NAALADL2: variants seen among roughly 807,000 people sequenced by gnomAD.
NAALADL2 encodes N-acetylated alpha-linked acidic dipeptidase like 2, also known as inactive N-acetylated-alpha-linked acidic dipeptidase-like protein 2.
NAALADL2 carries 76 observed loss-of-function variants against 87.2 expected under a neutral mutation model. The ratio of observed to expected loss-of-function variants is 0.87; its 90% CI spans 0.72 to 1.05. The LOEUF (loss-of-function observed/expected upper bound fraction) is 1.05. Among genes scored for constraint, NAALADL2 ranks in the 50% least tolerant of loss-of-function variants. The probability of loss-of-function intolerance (pLI) is 0.00; values close to 1 mark genes in which losing one functional copy is unlikely to be tolerated. For missense variants in NAALADL2, 1,089 were observed against 945.8 expected (o/e 1.15, Z -1.99); for synonymous variants, 354 against 331.0 (o/e 1.07, Z -0.75).
Position 175,805,821 on chromosome 3 carries a change from C to T in NAALADL2, c.*2618C>T, listed in dbSNP as rs1262158686. 1 of 151,858 alleles carries T rather than the reference C, an allele frequency of 6.6e-6. No individual in the cohort carries two copies. Among genetic ancestry groups the T allele is most frequent in the Non-Finnish European group, 1.5e-5 (1 of 67,858 alleles). The allele number at this position is 151,858 out of a possible 1,614,324, so 9.4% of individuals were successfully genotyped here. A position where few individuals can be genotyped will look rare whatever the true frequency, so the allele number is the denominator to read the frequency against. On this transcript the variant is annotated 3_prime_UTR_variant, in exon 14 of 14. Coordinates refer to ENST00000454872, the MANE Select transcript of NAALADL2 (RefSeq NM_207015.3). ...GAAATTTATGTTCAGGCAGGGTACACATGAGATACTGCCCTTTATGGAAAA... is the reference window on the plus strand; with the variant it reads ...GAAATTTATGTTCAGGCAGGGTACATATGAGATACTGCCCTTTATGGAAAA...
intron 1 of NAALADL2, among the ~76,000 whole-genome samples, chr3:174,884,408 G>T (rs1729806350): frequency 6.6e-6 from 1 of 152,158 alleles, no homozygotes; most frequent in African/African-American, 2.4e-5. Flanking sequence ...TATCAATCCA[G>T]CTGCTTCAGG....
intron 6 of NAALADL2, among the ~76,000 whole-genome samples, chr3:175,449,818 G>A (rs904320706): frequency 3.3e-5 from 5 of 152,166 alleles, no homozygotes; most frequent in African/African-American, 1.2e-4. Context: ...ATACACCCAT[G>A]TTAAAGCAAG....
intron 10 of NAALADL2, among the ~76,000 whole-genome samples, chr3:175,619,557 A>G (rs574632538): frequency 2.0e-5 from 3 of 152,074 alleles, no homozygotes; most frequent in Non-Finnish European, 2.9e-5. Flanking sequence ...GATTTTTTCA[A>G]CAAGGGAAAG....
At chr3:174,634,953 G>C (rs1023516104) in intron 2 of NAALADL2, among the ~76,000 whole-genome samples, 1 of 152,134 alleles carries the variant, frequency 6.6e-6, no homozygotes, top group Admixed American at 6.5e-5. Flanking sequence ...ATTTTAATTA[G>C]TAGGATTTTT....
intron 5 of NAALADL2, among the ~76,000 whole-genome samples, chr3:175,332,999 T>C (rs1368248630): frequency 6.6e-6 from 1 of 152,212 alleles, no homozygotes; most frequent in Admixed American, 6.5e-5. Context: ...TTACTTTCAT[T>C]CTATATGTGT....
intron 1 of NAALADL2, among the ~76,000 whole-genome samples, chr3:175,088,823 A>G (rs183410004): frequency 1.6e-4 from 24 of 152,324 alleles, no homozygotes; most frequent in African/African-American, 5.3e-4. Context: ...CAAAGAGCCA[A>G]GTGGTGATTG....
At chr3:174,893,374 TAGTA>T (rs1162473040) in intron 1 of NAALADL2, among the ~76,000 whole-genome samples, 1 of 150,026 alleles carries the variant, frequency 6.7e-6, no homozygotes, top group African/African-American at 2.5e-5. Flanking sequence ...AAACTTGTAA[TAGTA>T]AGTACGCAGC....
intron 1 of NAALADL2, among the ~76,000 whole-genome samples, chr3:175,027,745 G>C (rs1372922955): frequency 6.6e-6 from 1 of 152,038 alleles, no homozygotes; most frequent in African/African-American, 2.4e-5. Flanking sequence ...CTGGCAGAGG[G>C]CAACTTGCTT....
intron 3 of NAALADL2, among the ~76,000 whole-genome samples, chr3:174,816,029 A>T (rs922464694): frequency 6.6e-6 from 1 of 151,820 alleles, no homozygotes; most frequent in Non-Finnish European, 1.5e-5. Flanking sequence ...CATAACAGAC[A>T]TTTGGATCCC....
chr3:175,528,205 T>C (rs1014357534), intron 9 of NAALADL2, among the ~76,000 whole-genome samples: 9 of 151,994 alleles, frequency 5.9e-5, no homozygotes, highest in Non-Finnish European at 1.0e-4. Context: ...GTTTATTAAG[T>C]ATTAGCTCAC....
At chr3:174,684,296 A>C (rs1727835200) in intron 2 of NAALADL2, among the ~76,000 whole-genome samples, 1 of 152,140 alleles carries the variant, frequency 6.6e-6, no homozygotes, top group Non-Finnish European at 1.5e-5. Flanking sequence ...AGACTATTTA[A>C]ACACGACTGA....
intron 11 of NAALADL2, among the ~76,000 whole-genome samples, chr3:175,639,414 G>A (rs1284806890): frequency 1.4e-5 from 2 of 140,956 alleles, no homozygotes; most frequent in South Asian, 2.3e-4. Flanking sequence ...TCCACCTCCC[G>A]GGTTCACACC....
chr3:175,423,028 A>AAATATATAT (rs1438736874), intron 5 of NAALADL2, among the ~76,000 whole-genome samples: 194 of 111,206 alleles, frequency 1.7e-3, no homozygotes, highest in African/African-American at 7.7e-3. Context: ...GAAAAAAAAA[A>AAATATATAT]ATATATATAT....
At chr3:174,812,264 A>T (rs983638631) in intron 3 of NAALADL2, among the ~76,000 whole-genome samples, 1 of 152,166 alleles carries the variant, frequency 6.6e-6, no homozygotes, top group Non-Finnish European at 1.5e-5. Context: ...ATTTTGGTCA[A>T]TGAGGGACCA....
intron 1 of NAALADL2, chr3:174,513,447 C>G (rs1719738052): frequency 6.6e-6 from 1 of 152,108 alleles, no homozygotes; most frequent in Non-Finnish European, 1.5e-5. Flanking sequence ...ATATAACTGG[C>G]ATCTTTCTAA....
At chr3:175,264,162 T>C (rs1201400864) in intron 4 of NAALADL2, among the ~76,000 whole-genome samples, 6 of 151,862 alleles carry the variant, frequency 4.0e-5, no homozygotes, top group Non-Finnish European at 3.0e-5. Context: ...AATTTCAAGC[T>C]CTTCTACTTC....
chr3:175,484,419 TAA>T (rs1485911184), intron 9 of NAALADL2, among the ~76,000 whole-genome samples: 1 of 152,144 alleles, frequency 6.6e-6, no homozygotes. Context: ...TCAACATAGT[TAA>T]AATGCCACTG....
At chr3:174,763,325 A>T (rs1411221143) in intron 3 of NAALADL2, among the ~76,000 whole-genome samples, 1 of 152,084 alleles carries the variant, frequency 6.6e-6, no homozygotes, top group Admixed American at 6.6e-5. Context: ...GCAGTGGCTC[A>T]TGCCTGTAAT....
intron 2 of NAALADL2, among the ~76,000 whole-genome samples, chr3:174,698,277 A>G (rs9813103): frequency 0.22 from 33,614 of 151,876 alleles, 5,496 homozygotes; most frequent in East Asian, 0.49. Flanking sequence ...AGCATTGTTT[A>G]TAATCACATG....
Sources: gnomAD v4.1 joint callset for allele counts (sites outside exome capture counted in the v4.1 genomes callset) on GRCh38, gnomAD v4.1.1 for gene constraint, MANE v1.5 for transcripts, NCBI Gene and HGNC (gene_info 2026-07-23, HGNC 2026-07-21) for gene names.